The following MGAT4C variants were observed in gnomAD, a reference collection of about 807,000 sequenced individuals.
MGAT4C encodes alpha-1,3-mannosyl-glycoprotein 4-beta-N-acetylglucosaminyltransferase C.
Under a neutral mutation model 40.1 loss-of-function variants are expected in MGAT4C, and 19 were observed. That is an observed-to-expected ratio of 0.47 (90% CI 0.33 to 0.70). The LOEUF (loss-of-function observed/expected upper bound fraction) is 0.70. MGAT4C is among the 30% of genes least tolerant of loss of function. MGAT4C has a pLI of 0.02. For missense variants in MGAT4C, 491 were observed against 563.2 expected (o/e 0.87, Z 1.30); for synonymous variants, 181 against 187.1 (o/e 0.97, Z 0.27).
At chr12:86,467,258 T>C (rs983249278) in intron 2 of MGAT4C, among the ~76,000 whole-genome samples, 1 of 152,138 alleles carries the variant, frequency 6.6e-6, no homozygotes, top group African/African-American at 2.4e-5. Context: ...AGTATGTACA[T>C]GTTTGTGAGA....
At chr12:86,782,973 A>G (rs1341553687) in intron 1 of MGAT4C, among the ~76,000 whole-genome samples, 2 of 152,212 alleles carry the variant, frequency 1.3e-5, no homozygotes, top group Non-Finnish European at 2.9e-5. Flanking sequence ...GCTGCAGCAG[A>G]CTAATATAAT....
At chr12:86,066,951 G>GA in intron 1 of MGAT4C, among the ~76,000 whole-genome samples, 1 of 152,072 alleles carries the variant, frequency 6.6e-6, no homozygotes, top group South Asian at 2.1e-4. Context: ...AAAAATAAAG[G>GA]AAAAAAAGCT....
intron 3 of MGAT4C, among the ~76,000 whole-genome samples, chr12:86,344,665 T>A (rs1335033042): frequency 6.6e-6 from 1 of 151,620 alleles, no homozygotes; most frequent in Non-Finnish European, 1.5e-5. Flanking sequence ...TTAAGAAAAA[T>A]GTCATTTTCT....
chr12:86,174,387 T>C lies in MGAT4C; in HGVS notation c.-57+81852A>G, dbSNP rs115593077. 6.3e-3 allele frequency among the ~76,000 whole-genome samples: 964 copies of C among 152,212 alleles called. 6 individuals are homozygous for C. Among genetic ancestry groups the C allele is most frequent in the African/African-American group, 0.022 (922 of 41,568 alleles). On this transcript the variant is annotated intron_variant, in intron 1 of 4. Transcript: ENST00000611864. ...ACAGTTGTGTGAATTGCGCAAGTGATGGAAGCCTTAATTTTGTTGTGTTAT... is the reference window on the plus strand; with the variant it reads ...ACAGTTGTGTGAATTGCGCAAGTGACGGAAGCCTTAATTTTGTTGTGTTAT...
chr12:86,507,608 A>T (rs1958493082), intron 2 of MGAT4C, among the ~76,000 whole-genome samples: 1 of 152,184 alleles, frequency 6.6e-6, no homozygotes, highest in Non-Finnish European at 1.5e-5. Context: ...CCTCATGTGG[A>T]GCCAAGCCCA....
intron 1 of MGAT4C, among the ~76,000 whole-genome samples, chr12:86,832,414 GTA>G (rs1257054166): frequency 6.6e-6 from 1 of 151,522 alleles, no homozygotes; most frequent in African/African-American, 2.4e-5. Context: ...TAAGTCTGAC[GTA>G]TTTATCCATA....
intron 1 of MGAT4C, among the ~76,000 whole-genome samples, chr12:86,222,903 G>A (rs1212068443): frequency 6.6e-6 from 1 of 152,190 alleles, no homozygotes; most frequent in African/African-American, 2.4e-5. Flanking sequence ...AATGGCAAAA[G>A]AAAGACACCC....
rs562879255 is a variant in MGAT4C at position 86,220,006 on chromosome 12, G to T, written c.-57+36233C>A. The stretch of plus-strand genomic sequence containing the variant: ...TTGAGAACCCAGAGATTGGGTTTTT[G>T]GAATTAGCACCAGAGAAAGACTGCC... On this transcript the variant is annotated intron_variant, in intron 1 of 4. Coordinates refer to ENST00000611864, the MANE Select transcript of MGAT4C (RefSeq NM_001351288.2). Among the ~76,000 whole-genome samples, 6 of 152,144 alleles carry T rather than the reference G, an allele frequency of 3.9e-5. No individual in the cohort carries two copies. In the South Asian group the frequency reaches 1.2e-3, roughly 32 times the overall value.
intron 1 of MGAT4C, among the ~76,000 whole-genome samples, chr12:86,230,260 A>G (rs1951259425): frequency 6.6e-6 from 1 of 152,112 alleles, no homozygotes; most frequent in African/African-American, 2.4e-5. Context: ...CTCACTAACT[A>G]TTAGAAACAC....
At chr12:86,566,401 T>C (rs2136415413) in intron 2 of MGAT4C, among the ~76,000 whole-genome samples, 1 of 151,272 alleles carries the variant, frequency 6.6e-6, no homozygotes, top group South Asian at 2.1e-4. Context: ...GGATGCTCCC[T>C]GCCCTTGAAC....
chr12:86,522,173 C>A (rs1473655086), intron 2 of MGAT4C, among the ~76,000 whole-genome samples: 1 of 152,066 alleles, frequency 6.6e-6, no homozygotes, highest in Non-Finnish European at 1.5e-5. Context: ...ATATCTTTGT[C>A]CTGTGACAGG....
chr12:86,564,082 C>A (rs773399130), intron 2 of MGAT4C, among the ~76,000 whole-genome samples: 4 of 152,134 alleles, frequency 2.6e-5, no homozygotes, highest in African/African-American at 9.7e-5. Context: ...CCATCAAAGA[C>A]TTGAAAGATG....
intron 1 of MGAT4C, among the ~76,000 whole-genome samples, chr12:86,061,900 C>T (rs919345905): frequency 2.6e-5 from 4 of 152,174 alleles, no homozygotes; most frequent in Non-Finnish European, 5.9e-5. Context: ...AAAACCCCCA[C>T]CTCCCTGGGA....
chr12:86,063,938 C>T (rs1349323974), intron 1 of MGAT4C, among the ~76,000 whole-genome samples: 1 of 152,150 alleles, frequency 6.6e-6, no homozygotes, highest in Non-Finnish European at 1.5e-5. Context: ...TAGACTCCCA[C>T]ACAATAATAG....
intron 1 of MGAT4C, among the ~76,000 whole-genome samples, chr12:86,779,716 A>T (rs1235667912): frequency 6.6e-6 from 1 of 152,104 alleles, no homozygotes; most frequent in Non-Finnish European, 1.5e-5. Context: ...GATGGAGACC[A>T]TCCTGGCTAA....
At chr12:86,820,774 T>C (rs897981003) in intron 1 of MGAT4C, among the ~76,000 whole-genome samples, 2 of 150,870 alleles carry the variant, frequency 1.3e-5, no homozygotes, top group East Asian at 1.9e-4. Flanking sequence ...GTGTGAAGGA[T>C]ATATTTGAGG....
chr12:86,396,661 G>A (rs2136232910), intron 3 of MGAT4C, among the ~76,000 whole-genome samples: 1 of 152,220 alleles, frequency 6.6e-6, no homozygotes, highest in African/African-American at 2.4e-5. Context: ...GCAGGAAGTG[G>A]CAGGTAAGAT....
intron 1 of MGAT4C, among the ~76,000 whole-genome samples, chr12:86,143,340 G>C (rs1164777593): frequency 6.6e-6 from 1 of 152,036 alleles, no homozygotes; most frequent in Non-Finnish European, 1.5e-5. Context: ...ATGGCTTAAG[G>C]GTGAAATTTT....
intron 4 of MGAT4C, among the ~76,000 whole-genome samples, chr12:86,268,310 TG>T (rs1331311035): frequency 2.6e-5 from 4 of 152,106 alleles, no homozygotes; most frequent in Non-Finnish European, 1.5e-5. Flanking sequence ...GGACTCTGGC[TG>T]TCAGGTCTCC....
Sources: allele counts gnomAD v4.1 joint callset (sites outside exome capture counted in the v4.1 genomes callset), GRCh38; gene constraint gnomAD v4.1.1; transcripts MANE v1.5; gene names NCBI Gene and HGNC (gene_info 2026-07-23, HGNC 2026-07-21).